The following FIGNL2 variants were observed in gnomAD, a reference collection of about 807,000 sequenced individuals.
The protein encoded by FIGNL2 is fidgetin like 2.
For synonymous variants in FIGNL2, 565 were observed against 484.0 expected (o/e 1.17, Z -2.20); for missense variants, 1,060 against 950.2 (o/e 1.12, Z -1.52).
At chr12:51,843,568 G>A (rs1427040047) in intron 1 of FIGNL2, among the ~76,000 whole-genome samples, 2 of 150,426 alleles carry the variant, frequency 1.3e-5, no homozygotes, top group Non-Finnish European at 3.0e-5. Flanking sequence ...AAGAGTCAAT[G>A]CAGCTTGTTT....
At chr12:51,833,954 C>T (rs28378960) in intron 1 of FIGNL2, among the ~76,000 whole-genome samples, 20 of 128,022 alleles carry the variant, frequency 1.6e-4, no homozygotes, top group Admixed American at 6.1e-4. Context: ...GACAGACGGA[C>T]GGATGGATGG....
chr12:51,824,869 C>A (rs1313037687), intron 1 of FIGNL2, among the ~76,000 whole-genome samples: 1 of 152,146 alleles, frequency 6.6e-6, no homozygotes, highest in African/African-American at 2.4e-5. Flanking sequence ...CATGGTGAAA[C>A]ACCGTCTGTA....
At chr12:51,822,767 G>A (rs1490033911) in intron 1 of FIGNL2, among the ~76,000 whole-genome samples, 2 of 152,198 alleles carry the variant, frequency 1.3e-5, no homozygotes, top group Non-Finnish European at 2.9e-5. Flanking sequence ...TTTCTATGAA[G>A]GATCGGACAA....
In FIGNL2 at chr12:51,848,056, G is replaced by C. The variant is rs927419661; in HGVS notation, c.-12+484C>G. On this transcript the variant is annotated intron_variant, in intron 1 of 1. Transcript: ENST00000618634. ...CCCGTCACCATGCTGGGGAATCTCCGGGCCAGTAACCCAGCCCCCACCCCT... is the reference window on the plus strand; with the variant it reads ...CCCGTCACCATGCTGGGGAATCTCCCGGCCAGTAACCCAGCCCCCACCCCT... 25 of 883,554 alleles carry C rather than the reference G, an allele frequency of 2.8e-5. No individual in the cohort carries two copies. In the East Asian group the frequency reaches 1.3e-3, roughly 47 times the overall value. The allele number at this position is 883,554 out of a possible 1,614,324, so 54.7% of individuals were successfully genotyped here. A position where few individuals can be genotyped will look rare whatever the true frequency, so the allele number is the denominator to read the frequency against.
chr12:51,846,635 C>CA (rs1939755987), intron 1 of FIGNL2, among the ~76,000 whole-genome samples: 1 of 152,068 alleles, frequency 6.6e-6, no homozygotes, highest in African/African-American at 2.4e-5. Context: ...GCCCAGCCCT[C>CA]AGCCATACCA....
intron 1 of FIGNL2, among the ~76,000 whole-genome samples, chr12:51,832,482 A>T (rs1157356017): frequency 6.6e-6 from 1 of 151,722 alleles, no homozygotes; most frequent in Non-Finnish European, 1.5e-5. Context: ...CCTCATAACC[A>T]CACAGCTGAA....
In FIGNL2 at chr12:51,820,355, C is replaced by A. The variant is rs150720486; in HGVS notation, c.*97G>T. 1.5e-3 allele frequency: 2,274 copies of A among 1,480,604 alleles called. 14 individuals carry two copies. The African/African-American group carries it at 0.019, about 13-fold the overall frequency. The allele number at this position is 1,480,604 out of a possible 1,614,324, so 91.7% of individuals were successfully genotyped here. Reference sequence around the variant, plus strand: ...GTCCCCGATCCCACATTCACCACTCCAGCCCCTGCCAGCCGGGTTTAGTCA... The same window carrying A: ...GTCCCCGATCCCACATTCACCACTCAAGCCCCTGCCAGCCGGGTTTAGTCA... On this transcript the variant is annotated 3_prime_UTR_variant, in exon 2 of 2. Transcript: ENST00000618634.
chr12:51,828,117 G>GC (rs377123472), intron 1 of FIGNL2, among the ~76,000 whole-genome samples: 10 of 152,134 alleles, frequency 6.6e-5, no homozygotes, highest in African/African-American at 2.4e-4. Flanking sequence ...CAGTGGCTCT[G>GC]CCCCCGAGTG....
intron 1 of FIGNL2, among the ~76,000 whole-genome samples, chr12:51,832,698 C>CACCT (rs1939495927): frequency 6.6e-6 from 1 of 152,160 alleles, no homozygotes; most frequent in South Asian, 2.1e-4. Context: ...CTTTGACCAT[C>CACCT]ACCTGTGTAT....
intron 1 of FIGNL2, among the ~76,000 whole-genome samples, chr12:51,843,267 C>A (rs996807548): frequency 6.6e-6 from 1 of 151,970 alleles, no homozygotes; most frequent in East Asian, 1.9e-4. Flanking sequence ...TGAAGTCTCA[C>A]GGCTCACGTC....
chr12:51,848,015 G>T (rs1211502009), intron 1 of FIGNL2: 2 of 702,116 alleles, frequency 2.8e-6, no homozygotes, highest in Non-Finnish European at 3.5e-6. Flanking sequence ...AAGTAGCCTC[G>T]GCCTCCTGTC....
rs1390234431 is a variant in FIGNL2, at chr12:51,820,815, G to A, written c.1599C>T (p.Gly533=). The part of the protein sequence containing the change: ...GAGADGVLVV[G]TTSRPAALDE... The stretch of plus-strand genomic sequence containing the variant: ...CCAGAGCCGCGGGCCGCGAGGTGGT[G>A]CCCACAACCAGCACGCCGTCAGCCC... Residue 533 remains glycine, a synonymous_variant, in exon 2 of 2, where the codon GGC becomes GGT. Transcript: ENST00000618634. 4.8e-6 allele frequency: 7 copies of A among 1,471,072 alleles called. No homozygotes were observed. The highest frequency in any genetic ancestry group is 6.3e-6 in the Non-Finnish European group (7 of 1,119,194). The allele number at this position is 1,471,072 out of a possible 1,614,324, so 91.1% of individuals were successfully genotyped here.
intron 1 of FIGNL2, among the ~76,000 whole-genome samples, chr12:51,830,213 T>C (rs1047502489): frequency 2.7e-5 from 4 of 150,632 alleles, no homozygotes; most frequent in African/African-American, 7.3e-5. Flanking sequence ...CGCTTGAACC[T>C]GGAAGGCGGA....
At chr12:51,823,841 T>A (rs1939276465) in intron 1 of FIGNL2, among the ~76,000 whole-genome samples, 2 of 152,158 alleles carry the variant, frequency 1.3e-5, no homozygotes, top group Non-Finnish European at 2.9e-5. Context: ...GTGAATAGGA[T>A]GGGTCAGTCG....
intron 1 of FIGNL2, chr12:51,838,041 C>G (rs902487829): frequency 1.3e-5 from 2 of 152,264 alleles, no homozygotes; most frequent in African/African-American, 4.8e-5. Context: ...CCCACCTGCT[C>G]GAGGTGAGCT....
At position 51,837,549 on chromosome 12, in the gene FIGNL2, A is replaced by G. The variant is rs574551983; in HGVS notation, c.-12+10991T>C. Among the ~76,000 whole-genome samples, 4 of 152,294 alleles carry G rather than the reference A, an allele frequency of 2.6e-5. No homozygotes were observed. The South Asian group carries it at 8.3e-4, about 32-fold the overall frequency. On this transcript the variant is annotated intron_variant, in intron 1 of 1. Coordinates refer to ENST00000618634, the MANE Select transcript of FIGNL2 (RefSeq NM_001384995.1). The stretch of plus-strand genomic sequence containing the variant: ...TCTCTTGTGTTGCCCTGGGGCCGCC[A>G]GGCCCGACTGCAACCTCATCAGAGC...
At chr12:51,840,114 C>T (rs1436636082) in intron 1 of FIGNL2, among the ~76,000 whole-genome samples, 2 of 152,252 alleles carry the variant, frequency 1.3e-5, no homozygotes, top group African/African-American at 4.8e-5. Context: ...CACAACGCAG[C>T]CTCACACCTG....
intron 1 of FIGNL2, among the ~76,000 whole-genome samples, chr12:51,830,699 G>C (rs543373331): frequency 6.6e-6 from 1 of 151,802 alleles, no homozygotes; most frequent in Admixed American, 6.6e-5. Flanking sequence ...CACCATGTTG[G>C]CCAGGCTGGT....
intron 1 of FIGNL2, chr12:51,823,456 G>A (rs922623611): frequency 5.3e-5 from 8 of 152,336 alleles, no homozygotes; most frequent in African/African-American, 1.9e-4. Context: ...AAGCAGACCT[G>A]TGAGATGTAA....
Sources: gnomAD v4.1 joint callset for allele counts (sites outside exome capture counted in the v4.1 genomes callset) on GRCh38, gnomAD v4.1.1 for gene constraint, MANE v1.5 for transcripts, NCBI Gene and HGNC (gene_info 2026-07-23, HGNC 2026-07-21) for gene names.